The following EGFL6 variants were observed in gnomAD, a reference collection of about 807,000 sequenced individuals.
EGFL6 encodes the protein EGF like domain multiple 6.
In EGFL6, 42 loss-of-function variants were observed where a neutral mutation model predicts 43.1. That is an observed-to-expected ratio of 0.98 (90% CI 0.76 to 1.26). EGFL6 has a LOEUF of 1.26. EGFL6 is among the 50% of genes most tolerant of loss of function. The probability of loss-of-function intolerance (pLI) is 0.00; values close to 1 mark genes in which losing one functional copy is unlikely to be tolerated. For missense variants in EGFL6, 429 were observed against 427.8 expected, an observed-to-expected ratio of 1.00 and a Z score of -0.02; for synonymous variants, 164 against 163.2, an observed-to-expected ratio of 1.01 and a Z score of -0.04.
At chrX:13,591,897 C>T (rs1364359412) in intron 2 of EGFL6, among the ~76,000 whole-genome samples, 2 of 111,615 alleles carry the variant, frequency 1.8e-5, no homozygotes, top group Non-Finnish European at 3.8e-5. Flanking sequence ...CAGAATTGTC[C>T]ATAAACAAGT....
chrX:13,619,373 A>ATC, intron 9 of EGFL6, 130 bp downstream of exon 9: 1 of 541,747 alleles, frequency 1.8e-6, no homozygotes, highest in Admixed American at 2.8e-5. Flanking sequence ...AAATCATTAC[A>ATC]TCACACACAC....
At chrX:13,578,445 T>C (rs954488373) in intron 1 of EGFL6, among the ~76,000 whole-genome samples, 2 of 107,588 alleles carry the variant, frequency 1.9e-5, no homozygotes, top group Admixed American at 2.0e-4. Flanking sequence ...ACCCAAAGGA[T>C]TATAAATCAT....
At position 13,597,331 on chromosome X, in the gene EGFL6, G is replaced by C. The variant is rs750213623; in HGVS notation, c.280+2403G>C. Among the ~76,000 whole-genome samples, 5 of 111,858 alleles carry C rather than the reference G, an allele frequency of 4.5e-5. No homozygotes were observed. In the East Asian group the frequency reaches 1.4e-3, roughly 31 times the overall value. ...CCCAGCCCTTGCTGCCAAGCCCAGA[G>C]GTTAGCCCCATAAACTGAAATAGCC... On this transcript the variant is annotated intron_variant, in intron 3 of 11. Coordinates refer to ENST00000361306, the MANE Select transcript of EGFL6 (RefSeq NM_015507.4).
rs769738951 is a variant in EGFL6 at position 13,617,872 on chromosome X, T to C, written c.921T>C (p.Pro307=). Residue 307 remains proline (P), a synonymous_variant, in exon 8 of 12, where the codon CCT becomes CCC. Coordinates refer to ENST00000361306, the MANE Select transcript of EGFL6 (RefSeq NM_015507.4). The part of the protein sequence containing the change: ...KNVTPEPTRT[P]TPKVNLQPFN... Reference sequence around the variant, plus strand: ...TTACCCCAGAACCCACCAGGACTCCTACCCCTAAGGTGAACTTGCAGCCCT... The same window carrying C: ...TTACCCCAGAACCCACCAGGACTCCCACCCCTAAGGTGAACTTGCAGCCCT... The C allele has an allele frequency of 1.7e-6, 2 of 1,211,463 alleles. No individual in the cohort carries two copies. The highest frequency in any genetic ancestry group is 2.3e-4 in the Middle Eastern group (1 of 4,355).
At chrX:13,591,481 G>A (rs778710484) in intron 2 of EGFL6, among the ~76,000 whole-genome samples, 33 of 111,998 alleles carry the variant, frequency 2.9e-4, no homozygotes, top group Non-Finnish European at 5.1e-4. Context: ...GTCTTAAATT[G>A]CAATGATTTT....
At chrX:13,597,508 G>T (rs1046577369) in intron 3 of EGFL6, among the ~76,000 whole-genome samples, 9 of 112,184 alleles carry the variant, frequency 8.0e-5, no homozygotes, top group Non-Finnish European at 1.7e-4. Flanking sequence ...TTCAGGGTGG[G>T]CACAGTGGCT....
intron 1 of EGFL6, among the ~76,000 whole-genome samples, chrX:13,572,976 G>A (rs907347616): frequency 1.8e-5 from 2 of 112,150 alleles, no homozygotes; most frequent in Non-Finnish European, 3.8e-5. Flanking sequence ...AGCTTCTAGA[G>A]GCTGCCAACA....
intron 8 of EGFL6, among the ~76,000 whole-genome samples, chrX:13,618,672 G>A (rs2045733031): frequency 9.0e-6 from 1 of 111,091 alleles, no homozygotes; most frequent in South Asian, 3.8e-4. Context: ...AACCCACCCT[G>A]CATCTCTACA....
chrX:13,569,952 C>T lies in EGFL6; in HGVS notation c.74+17C>T, dbSNP rs761326965. On this transcript the variant is annotated intron_variant, in intron 1 of 11. Transcript: ENST00000361306. ...CGCGGCCAGGTGAGTGTCTGACTGG[C>T]GATTGGCTTCCCCCCACCCCCGGCC... The T allele has an allele frequency of 4.1e-6, 5 of 1,206,624 alleles. No individual in the cohort carries two copies. The highest frequency in any genetic ancestry group is 5.9e-5 in the East Asian group (2 of 33,783).
intron 4 of EGFL6, among the ~76,000 whole-genome samples, chrX:13,600,999 G>A (rs1193781533): frequency 9.1e-6 from 1 of 110,132 alleles, no homozygotes; most frequent in East Asian, 2.9e-4. Flanking sequence ...CTACAAATCT[G>A]CCTTCCTTCT....
At chrX:13,629,350 C>A (rs1484950474) in intron 11 of EGFL6, among the ~76,000 whole-genome samples, 1 of 111,863 alleles carries the variant, frequency 8.9e-6, no homozygotes, top group African/African-American at 3.2e-5. Flanking sequence ...TGACTGAATT[C>A]ATGTGATGGA....
chrX:13,571,566 A>G (rs1260632425), intron 1 of EGFL6, among the ~76,000 whole-genome samples: 1 of 111,883 alleles, frequency 8.9e-6, no homozygotes, highest in Non-Finnish European at 1.9e-5. Context: ...TTTAGCGGCC[A>G]GCAAACTGAC....
chrX:13,589,582 C>T lies in EGFL6; in HGVS notation c.101C>T (p.Ser34Leu), dbSNP rs751522241. The change falls in exon 2 of 12, where the codon TCG becomes TTG. Residue 34 changes from serine to leucine, a missense_variant. Physicochemically the swap from Ser to Leu is moderately radical, Grantham distance 145. Transcript: ENST00000361306. ...ASARHHGLLA[S>L]ARQPGVCHYG... ...GCAAGGCATCACGGGTTGTTAGCAT[C>T]GGCACGTCAGCCTGGGGTCTGTCAC... is the stretch of plus-strand genomic sequence containing the variant. 9 of 1,210,317 alleles carry T rather than the reference C, an allele frequency of 7.4e-6. No individual in the cohort carries two copies. Among genetic ancestry groups the T allele is most frequent in the East Asian group, 3.0e-5 (1 of 33,817 alleles).
intron 1 of EGFL6, among the ~76,000 whole-genome samples, chrX:13,579,039 T>G (rs1216739973): frequency 1.8e-5 from 2 of 110,496 alleles, no homozygotes; most frequent in Admixed American, 9.5e-5. Flanking sequence ...GGGCTTGGGG[T>G]TTTTTTAAGA....
chrX:13,595,201 A>C (rs1023591424), intron 3 of EGFL6, among the ~76,000 whole-genome samples: 2 of 108,593 alleles, frequency 1.8e-5, no homozygotes, highest in Non-Finnish European at 3.8e-5. Flanking sequence ...TTACTTTTTT[A>C]TTTCATCTCT....
At chrX:13,590,799 C>G (rs750310190) in intron 2 of EGFL6, among the ~76,000 whole-genome samples, 1 of 112,082 alleles carries the variant, frequency 8.9e-6, no homozygotes, top group East Asian at 2.8e-4. Context: ...CATAAAAATA[C>G]TAGACAAAAA....
intron 1 of EGFL6, among the ~76,000 whole-genome samples, chrX:13,582,919 A>G (rs932660712): frequency 9.0e-6 from 1 of 111,457 alleles, no homozygotes; most frequent in African/African-American, 3.3e-5. Flanking sequence ...ACAAATTTCT[A>G]TTTGGTTTTG....
intron 3 of EGFL6, 138 bp from the exon 4 acceptor site, chrX:13,599,837 G>C (rs1325139985): frequency 7.1e-6 from 4 of 561,248 alleles, no homozygotes; most frequent in African/African-American, 7.0e-5. Flanking sequence ...GAATTTGATG[G>C]TCAGAGAGAA....
intron 7 of EGFL6, among the ~76,000 whole-genome samples, chrX:13,613,896 T>A (rs1310162836): frequency 1.8e-5 from 2 of 111,681 alleles, no homozygotes; most frequent in East Asian, 5.6e-4. Context: ...AACCAGGCCA[T>A]CCCCATTTTT....
Sources: allele counts gnomAD v4.1 joint callset (sites outside exome capture counted in the v4.1 genomes callset), GRCh38; gene constraint gnomAD v4.1.1; transcripts MANE v1.5; gene names NCBI Gene and HGNC (gene_info 2026-07-23, HGNC 2026-07-21).